IL1B: variants seen among roughly 807,000 people sequenced by gnomAD.
IL1B encodes the protein interleukin 1 beta.
A neutral mutation model predicts 26.2 loss-of-function variants in IL1B; 11 were observed. The ratio of observed to expected loss-of-function variants is 0.42; its 90% CI spans 0.26 to 0.70. IL1B has a LOEUF of 0.70. Ranked by LOEUF, IL1B falls within the 30% of genes least tolerant of loss-of-function variation. The pLI, the probability that IL1B is intolerant of heterozygous loss-of-function variation, is 0.25. For missense variants in IL1B, 255 were observed against 327.5 expected, an observed-to-expected ratio of 0.78 and a Z score of 1.71; for synonymous variants, 118 against 120.8, an observed-to-expected ratio of 0.98 and a Z score of 0.15.
At position 112,832,783 on chromosome 2, in the gene IL1B, G is replaced by A. The variant is rs756541790; in HGVS notation, c.345C>T (p.His115=). The change falls in exon 5 of 7, where the codon CAC becomes CAT. Residue 115 remains histidine (H), a synonymous_variant. Transcript: ENST00000263341. ...FDTWDNEAYV[H]DAPVRSLNCT... ...AGTTCAGTGATCGTACAGGTGCATC[G>A]TGCACATAAGCCTCGTTATCCCATG... 131 of 1,613,990 alleles carry A rather than the reference G, an allele frequency of 8.1e-5. No homozygotes were observed. Among genetic ancestry groups the A allele is most frequent in the Non-Finnish European group, 1.0e-4 (123 of 1,180,002 alleles).
At chr2:112,836,344 T>A in intron 1 of IL1B, 100 bp from the exon 2 acceptor site, 1 of 871,158 alleles carries the variant, frequency 1.1e-6, no homozygotes. Context: ...AAAGAAATGA[T>A]CTCTGAGTAA....
intron 1 of IL1B, 129 bp from the exon 2 acceptor site, chr2:112,836,373 G>C: frequency 1.4e-6 from 1 of 737,806 alleles, no homozygotes; most frequent in Non-Finnish European, 2.4e-6. Flanking sequence ...ATGTGTGAAA[G>C]AGAAGTCCTT....
At chr2:112,836,072 G>C in intron 2 of IL1B, 111 bp downstream of exon 2, 1 of 944,962 alleles carries the variant, frequency 1.1e-6, no homozygotes. Context: ...CACCCTGTTT[G>C]CCACTGAAAG....
intron 4 of IL1B, 29 bp from the exon 5 acceptor site, chr2:112,832,855 T>C: frequency 1.2e-6 from 2 of 1,613,706 alleles, no homozygotes; most frequent in Non-Finnish European, 1.7e-6. Context: ...GTTGTTTAGG[T>C]ATAAAATCAG....
In IL1B at chr2:112,830,588, AAAG is replaced by A; in HGVS notation, c.598-18_598-16del. 7 of 1,596,478 alleles carry A rather than the reference AAAG, an allele frequency of 4.4e-6. No homozygotes were observed. Among genetic ancestry groups the A allele is most frequent in the Non-Finnish European group, 6.0e-6 (7 of 1,164,388 alleles). On this transcript the variant is annotated splice_polypyrimidine_tract_variant and intron_variant, in intron 6 of 6. Transcript: ENST00000263341. ...GGATCTACACTCTGCAGCGAAAGAG[AAAG>A]AAGAATTTTTGTGGGGCAAGGGACA...
intron 4 of IL1B, 144 bp downstream of exon 4, chr2:112,833,230 G>GGT: frequency 1.3e-6 from 1 of 765,998 alleles, no homozygotes. Flanking sequence ...TGATTGCTTT[G>GGT]GTTTCCAGCC....
intron 6 of IL1B, among the ~76,000 whole-genome samples, chr2:112,830,931 A>G (rs1357199553): frequency 6.6e-6 from 1 of 151,968 alleles, no homozygotes; most frequent in Non-Finnish European, 1.5e-5. Flanking sequence ...TTTTGCTGAG[A>G]AAGCTGGAGG....
intron 3 of IL1B, 139 bp from the exon 4 acceptor site, chr2:112,833,714 C>T: frequency 3.6e-6 from 3 of 831,318 alleles, no homozygotes; most frequent in South Asian, 1.4e-5. Flanking sequence ...CCTCTCTGGG[C>T]CAGGCGTGGT....
At chr2:112,836,434 T>C (rs1682092594) in intron 1 of IL1B, 190 bp from the exon 2 acceptor site, 1 of 550,084 alleles carries the variant, frequency 1.8e-6, no homozygotes, top group East Asian at 3.4e-5. Context: ...AGCAATGTAT[T>C]GGCTAGGAGA....
At chr2:112,836,036 G>C in intron 2 of IL1B, 147 bp downstream of exon 2, 1 of 719,632 alleles carries the variant, frequency 1.4e-6, no homozygotes, top group South Asian at 1.5e-5. Flanking sequence ...TAATGGGAAA[G>C]TAGTCTTTAA....
intron 4 of IL1B, 65 bp from the exon 5 acceptor site, chr2:112,832,891 G>T: frequency 6.5e-7 from 1 of 1,533,202 alleles, no homozygotes; most frequent in South Asian, 1.1e-5. Context: ...GAGGCGAGGC[G>T]GCAAAATTTG....
chr2:112,835,432 G>C, intron 3 of IL1B, 134 bp downstream of exon 3: 1 of 740,524 alleles, frequency 1.4e-6, no homozygotes, highest in Non-Finnish European at 2.4e-6. Flanking sequence ...GGTGCAGCCT[G>C]TGTCTCACTG....
At chr2:112,836,284 G>A in intron 1 of IL1B, 40 bp from the exon 2 acceptor site, 3 of 1,444,870 alleles carry the variant, frequency 2.1e-6, no homozygotes, top group Non-Finnish European at 2.9e-6. Flanking sequence ...CCCCATGACG[G>A]CTACGTTCAT....
intron 3 of IL1B, among the ~76,000 whole-genome samples, chr2:112,834,067 A>G (rs1682042983): frequency 1.3e-5 from 2 of 152,210 alleles, no homozygotes; most frequent in Non-Finnish European, 2.9e-5. Flanking sequence ...CTGAAGCTCA[A>G]GGAGGTTAAG....
At chr2:112,831,244 G>A (rs762398492) in intron 6 of IL1B, 48 bp downstream of exon 6, 2 of 1,610,932 alleles carry the variant, frequency 1.2e-6, no homozygotes, top group African/African-American at 2.7e-5. Flanking sequence ...CTGGGAATAA[G>A]TGGTAGCAGG....
chr2:112,835,328 T>C, intron 3 of IL1B: 2 of 582,092 alleles, frequency 3.4e-6, no homozygotes. Context: ...ACATTATCAC[T>C]ACTCCTCCCC....
intron 3 of IL1B, among the ~76,000 whole-genome samples, chr2:112,834,386 A>T (rs1430540717): frequency 6.6e-6 from 1 of 152,186 alleles, no homozygotes; most frequent in African/African-American, 2.4e-5. Flanking sequence ...ACTGTCTCAT[A>T]GGCATTCTGC....
chr2:112,835,161 T>A (rs1682065922), intron 3 of IL1B: 2 of 271,408 alleles, frequency 7.4e-6, no homozygotes, highest in Non-Finnish European at 1.4e-5. Flanking sequence ...AGCAAAAAAC[T>A]ATTCTACTCA....
Position 112,835,575 on chromosome 2 carries a change from T to C in IL1B, c.90A>G (p.Lys30=), listed in dbSNP as rs1682073427. ...AAACCCATAGTCTTACCTTCATCTG[T>C]TTAGGGCCATCAGCTTCAAAGAACA... ...DDLFFEADGP[K]QMKCSFQDLD... The change falls in exon 3 of 7, where the codon AAA becomes AAG. Residue 30 remains lysine, a synonymous_variant. Coordinates refer to ENST00000263341, the MANE Select transcript of IL1B (RefSeq NM_000576.3). 1.2e-6 allele frequency: 2 copies of C among 1,613,548 alleles called. No individual in the cohort carries two copies. Among genetic ancestry groups the C allele is most frequent in the Non-Finnish European group, 1.7e-6 (2 of 1,179,434 alleles).
Sources: gnomAD v4.1 joint callset for allele counts (sites outside exome capture counted in the v4.1 genomes callset) on GRCh38, gnomAD v4.1.1 for gene constraint, MANE v1.5 for transcripts, NCBI Gene and HGNC (gene_info 2026-07-23, HGNC 2026-07-21) for gene names.